Variants in FBRSL1 observed in about 807,000 individuals in gnomAD.
FBRSL1 encodes the protein fibrosin-1-like protein.
Under a neutral mutation model 89.6 loss-of-function variants are expected in FBRSL1, and 51 were observed. The observed-to-expected ratio is 0.57, with a 90% CI of 0.45 to 0.72. FBRSL1 has a LOEUF of 0.72. FBRSL1 is among the 30% of genes least tolerant of loss of function. FBRSL1 has a pLI of 0.00. For missense variants in FBRSL1, 1,618 were observed against 1,451.8 expected (o/e 1.11, Z -1.86); for synonymous variants, 779 against 681.1 (o/e 1.14, Z -2.24).
intron 2 of FBRSL1, chr12:132,511,217 C>T (rs2034300370): frequency 2.0e-6 from 2 of 985,434 alleles, no homozygotes; most frequent in Admixed American, 6.1e-5. Context: ...CTGCCTCCAC[C>T]ACCCCCGTGG....
chr12:132,493,777 A>G (rs1209414874), intron 1 of FBRSL1, among the ~76,000 whole-genome samples: 1 of 152,174 alleles, frequency 6.6e-6, no homozygotes, highest in East Asian at 1.9e-4. Context: ...GCATCTGCAC[A>G]TTTATATGTG....
rs1248415987 is a variant in FBRSL1, at chr12:132,582,149, G to A, written c.2084G>A (p.Arg695Gln). The A allele has an allele frequency of 2.6e-6, 4 of 1,549,994 alleles. No homozygotes were observed. Among genetic ancestry groups the A allele is most frequent in the African/African-American group, 1.4e-5 (1 of 73,166 alleles). The change falls in exon 18 of 19, where the codon CGG (arginine) becomes CAG (glutamine). Residue 695 changes from arginine (R) to glutamine (Q), a missense_variant. Transcript: ENST00000680143. ...SPHEAWNRLH[R>Q]APPSFPAPPP... ...CATGAGGCCTGGAACCGACTGCACCGGGCACCGCCCTCCTTCCCGGCTCCG... is the reference window on the plus strand; with the variant it reads ...CATGAGGCCTGGAACCGACTGCACCAGGCACCGCCCTCCTTCCCGGCTCCG...
At chr12:132,522,827 G>C (rs116076468) in intron 2 of FBRSL1, among the ~76,000 whole-genome samples, 2,442 of 152,302 alleles carry the variant, frequency 0.016, 66 homozygotes, top group African/African-American at 0.055. Context: ...GCTGTGTCCG[G>C]GGCCCTCCCC....
chr12:132,512,825 G>A (rs1203003886), intron 2 of FBRSL1, among the ~76,000 whole-genome samples: 2 of 152,204 alleles, frequency 1.3e-5, no homozygotes, highest in Non-Finnish European at 2.9e-5. Flanking sequence ...GGGTCCCTGT[G>A]GCCAACAGCT....
chr12:132,566,676 CCT>C (rs1171567357), intron 5 of FBRSL1, among the ~76,000 whole-genome samples: 1 of 152,258 alleles, frequency 6.6e-6, no homozygotes, highest in Admixed American at 6.5e-5. Context: ...CACTCAGCTG[CCT>C]CTCAGCAACA....
At chr12:132,554,504 C>G (rs900605314) in intron 5 of FBRSL1, 1 of 152,216 alleles carries the variant, frequency 6.6e-6, no homozygotes. Context: ...AAATATGCAT[C>G]TTAATGCTTT....
rs145618470 is a variant in FBRSL1 at position 132,556,032 on chromosome 12, G to C, written c.645+8000G>C. On this transcript the variant is annotated intron_variant, in intron 5 of 18. Transcript: ENST00000680143. ...CTCTCTTCTCAGAGGCTTTCCCTGG[G>C]TTTCTGTGTTTCCGCGAAGTTCCGG... is the stretch of plus-strand genomic sequence containing the variant. Among the ~76,000 whole-genome samples the C allele has an allele frequency of 1.6e-3, 249 of 152,284 alleles. 1 individual carries two copies. Among genetic ancestry groups the C allele is most frequent in the Non-Finnish European group, 2.2e-3 (150 of 68,016 alleles).
At position 132,583,517 on chromosome 12, in the gene FBRSL1, C is replaced by G. The variant is rs1271498451; in HGVS notation, c.2748C>G (p.Ala916=). 2 of 1,047,622 alleles carry G rather than the reference C, an allele frequency of 1.9e-6. No homozygotes were observed. The highest frequency in any genetic ancestry group is 1.7e-5 in the African/African-American group (1 of 57,214). 64.9% of individuals were successfully genotyped at this position (1,047,622 alleles called of 1,614,324 possible). Residue 916 remains alanine, a synonymous_variant, in exon 19 of 19, where the codon GCC becomes GCG. Coordinates refer to ENST00000680143, the MANE Select transcript of FBRSL1 (RefSeq NM_001367871.1). ...CGCACCTGCCGCCCGCCGCCCCCGCCTTGGACGGCGCGCTGCTGCCCTCGC... is the reference window on the plus strand; with the variant it reads ...CGCACCTGCCGCCCGCCGCCCCCGCGTTGGACGGCGCGCTGCTGCCCTCGC... ...RAPHLPPAAP[A]LDGALLPSLG... is the part of the protein sequence containing the mutation.
At chr12:132,557,970 CCAGG>C (rs904440719) in intron 5 of FBRSL1, among the ~76,000 whole-genome samples, 14 of 152,292 alleles carry the variant, frequency 9.2e-5, no homozygotes, top group Non-Finnish European at 1.6e-4. Flanking sequence ...CCTCCCAGGG[CCAGG>C]CACGCAGGAA....
At position 132,583,525 on chromosome 12, in the gene FBRSL1, G is replaced by C; in HGVS notation, c.2756G>C (p.Gly919Ala). ...CCGCCCGCCGCCCCCGCCTTGGACG[G>C]CGCGCTGCTGCCCTCGCTGGGAGCC... ...HLPPAAPALD[G>A]ALLPSLGALH... Residue 919 changes from glycine to alanine, a missense_variant, in exon 19 of 19, where the codon GGC becomes GCC. By Grantham distance (60) the Gly-to-Ala change is moderately conservative. Transcript: ENST00000680143. 9.6e-7 allele frequency: 1 copy of C among 1,046,344 alleles called. No homozygotes were observed. Among genetic ancestry groups the C allele is most frequent in the Non-Finnish European group, 1.2e-6 (1 of 868,530 alleles). 64.8% of individuals were successfully genotyped at this position (1,046,344 alleles called of 1,614,324 possible).
chr12:132,528,075 C>A, intron 4 of FBRSL1, 87 bp downstream of exon 4: 1 of 1,221,600 alleles, frequency 8.2e-7, no homozygotes. Context: ...GGCCCCACAA[C>A]TTAGCTCACC....
At chr12:132,503,018 C>G (rs1050382232) in intron 1 of FBRSL1, among the ~76,000 whole-genome samples, 1 of 151,938 alleles carries the variant, frequency 6.6e-6, no homozygotes, top group East Asian at 1.9e-4. Context: ...TAGCTCTTCC[C>G]GGCCCGCACA....
At chr12:132,496,142 C>G (rs1399883909) in intron 1 of FBRSL1, among the ~76,000 whole-genome samples, 1 of 152,266 alleles carries the variant, frequency 6.6e-6, no homozygotes, top group Non-Finnish European at 1.5e-5. Flanking sequence ...GCCGGCTGCC[C>G]TTTGCCTGGA....
chr12:132,567,810 G>A (rs544318936), intron 6 of FBRSL1, among the ~76,000 whole-genome samples: 1 of 152,196 alleles, frequency 6.6e-6, no homozygotes, highest in Non-Finnish European at 1.5e-5. Context: ...CCCCAGGTTC[G>A]TGGGGTCAGA....
intron 14 of FBRSL1, among the ~76,000 whole-genome samples, chr12:132,575,579 C>G (rs1041478301): frequency 2.0e-5 from 3 of 152,276 alleles, no homozygotes; most frequent in African/African-American, 7.2e-5. Flanking sequence ...TCTGGACACA[C>G]AGCAGAGGGA....
chr12:132,565,529 TCATGTACACGTACCCGAGTGTGCC>T, intron 5 of FBRSL1: 1 of 151,914 alleles, frequency 6.6e-6, no homozygotes. Flanking sequence ...CCGAGTGTGC[TCATGTACACGTACCCGAGTGTGCC>T]CATGTTCATG....
intron 16 of FBRSL1, 89 bp downstream of exon 16, chr12:132,581,605 C>G (rs544116089): frequency 2.1e-5 from 32 of 1,506,930 alleles, no homozygotes; most frequent in Non-Finnish European, 2.7e-5. Flanking sequence ...AAGGTGGCCC[C>G]GAGCCCCAGG....
rs554961439 is a variant in FBRSL1 at position 132,499,417 on chromosome 12, A to G, written c.291+8556A>G. ...TGTTCTGCTTTCCCTGACAGACTTT[A>G]TAAGCATTTATTGAGCACCGGCTGT... On this transcript the variant is annotated intron_variant, in intron 1 of 18. Transcript: ENST00000680143. This position sits in a 1 kb window ranked among gnomAD's most constrained non-coding sequence, Gnocchi z 4.3. 3.1e-4 allele frequency among the ~76,000 whole-genome samples: 47 copies of G among 152,278 alleles called. No homozygotes were observed. The highest frequency in any genetic ancestry group is 3.4e-3 in the Middle Eastern group (1 of 294).
chr12:132,530,999 G>GT (rs1274482125), intron 4 of FBRSL1, among the ~76,000 whole-genome samples: 2 of 150,342 alleles, frequency 1.3e-5, no homozygotes, highest in South Asian at 2.1e-4. Context: ...CAGTGTGGGG[G>GT]GGGGGGTGCA....
Sources: allele counts gnomAD v4.1 joint callset (sites outside exome capture counted in the v4.1 genomes callset), GRCh38; gene constraint gnomAD v4.1.1; non-coding constraint Gnocchi (gnomAD v3.1); transcripts MANE v1.5; gene names NCBI Gene and HGNC (gene_info 2026-07-23, HGNC 2026-07-21).